Variants in TMEM117 observed in about 807,000 individuals in gnomAD.
The protein encoded by TMEM117 is transmembrane protein 117.
Under a neutral mutation model 52.4 loss-of-function variants are expected in TMEM117, and 27 were observed. The ratio of observed to expected loss-of-function variants is 0.51; its 90% CI spans 0.38 to 0.71. TMEM117 has a LOEUF of 0.71. TMEM117 is among the 30% of genes least tolerant of loss of function. The probability of loss-of-function intolerance (pLI) is 0.00; values close to 1 mark genes in which losing one functional copy is unlikely to be tolerated. For synonymous variants in TMEM117, 215 were observed against 206.3 expected, an observed-to-expected ratio of 1.04 and a Z score of -0.36; for missense variants, 556 against 630.5, an observed-to-expected ratio of 0.88 and a Z score of 1.26.
At chr12:44,114,693 A>T (rs554728261) in intron 3 of TMEM117, among the ~76,000 whole-genome samples, 16 of 152,320 alleles carry the variant, frequency 1.1e-4, no homozygotes, top group Middle Eastern at 6.8e-3. Context: ...CTTCTGAGAG[A>T]AAAGAATCTC....
intron 3 of TMEM117, among the ~76,000 whole-genome samples, chr12:44,126,588 A>G (rs1948328783): frequency 6.6e-6 from 1 of 152,206 alleles, no homozygotes; most frequent in African/African-American, 2.4e-5. Flanking sequence ...ATTTCATATG[A>G]TATTAACATT....
At chr12:44,295,919 C>A (rs1644007) in intron 5 of TMEM117, among the ~76,000 whole-genome samples, 32,703 of 151,942 alleles carry the variant, frequency 0.22, 6,277 homozygotes, top group African/African-American at 0.52. Context: ...GTAGCTTTGC[C>A]TTTGTGTCTG....
In TMEM117 at chr12:44,191,357, A is replaced by ATCTG. The variant is rs200809736; in HGVS notation, c.511-19905_511-19902dup. 6.9e-3 allele frequency among the ~76,000 whole-genome samples: 1,019 copies of ATCTG among 148,538 alleles called. 22 individuals carry two copies. The East Asian group carries it at 0.072, about 10-fold the overall frequency. On this transcript the variant is annotated intron_variant, in intron 4 of 7. Transcript: ENST00000266534. Reference sequence around the variant, plus strand: ...ACAGCCAAACCATGTCTATCTATCTATCTGTCTGTCTGTCTGTCTGTCTGT... The same window carrying ATCTG: ...ACAGCCAAACCATGTCTATCTATCTATCTGTCTGTCTGTCTGTCTGTCTGTCTGT...
At chr12:44,263,284 A>T (rs1224938031) in intron 5 of TMEM117, among the ~76,000 whole-genome samples, 2 of 152,342 alleles carry the variant, frequency 1.3e-5, no homozygotes, top group East Asian at 3.9e-4. Flanking sequence ...GAGAAATGCA[A>T]ATCAAAACCA....
intron 5 of TMEM117, among the ~76,000 whole-genome samples, chr12:44,251,731 G>T (rs1950198963): frequency 6.6e-6 from 1 of 152,120 alleles, no homozygotes; most frequent in South Asian, 2.1e-4. Flanking sequence ...TCTATACCCT[G>T]GGTGGTCAAA....
At chr12:44,115,806 A>G (rs1160810863) in intron 3 of TMEM117, among the ~76,000 whole-genome samples, 1 of 152,210 alleles carries the variant, frequency 6.6e-6, no homozygotes, top group Non-Finnish European at 1.5e-5. Context: ...GCACTCAAGA[A>G]ACTTAGAGTT....
At chr12:44,175,267 A>G (rs1949102418) in intron 4 of TMEM117, among the ~76,000 whole-genome samples, 1 of 152,068 alleles carries the variant, frequency 6.6e-6, no homozygotes, top group Admixed American at 6.6e-5. Flanking sequence ...GACATATTTG[A>G]CAGATATTTT....
intron 3 of TMEM117, among the ~76,000 whole-genome samples, chr12:44,051,507 T>C (rs773378342): frequency 9.9e-5 from 15 of 152,212 alleles, no homozygotes; most frequent in Admixed American, 2.0e-4. Flanking sequence ...CTGACAAGAC[T>C]AATGTTGTAA....
At chr12:44,091,723 G>A (rs569346074) in intron 3 of TMEM117, among the ~76,000 whole-genome samples, 1 of 152,228 alleles carries the variant, frequency 6.6e-6, no homozygotes, top group South Asian at 2.1e-4. Context: ...AAAATTCAAG[G>A]CTTTGGAAAG....
chr12:43,813,231 G>GTTGTTTTTTTT, the TMEM117 span, among the ~76,000 whole-genome samples: 2 of 62,618 alleles, frequency 3.2e-5, no homozygotes, highest in African/African-American at 1.2e-4. Context: ...GTTTTCTCTT[G>GTTGTTTTTTTT]TTTTTTTTTT....
intron 4 of TMEM117, among the ~76,000 whole-genome samples, chr12:44,170,937 A>G (rs115042037): frequency 0.023 from 3,548 of 151,634 alleles, 78 homozygotes; most frequent in African/African-American, 0.058. Flanking sequence ...AATTTTGCCA[A>G]TTTTTCCAGC....
At chr12:43,806,134 C>A in the TMEM117 span, 17 of 1,529,306 alleles carry the variant, frequency 1.1e-5, no homozygotes, top group Non-Finnish European at 1.5e-5. Context: ...CCCGGCCCGA[C>A]TCCAGCCCTG....
At chr12:43,918,387 T>C (rs1359293060) in intron 2 of TMEM117, among the ~76,000 whole-genome samples, 1 of 152,204 alleles carries the variant, frequency 6.6e-6, no homozygotes, top group Non-Finnish European at 1.5e-5. Context: ...TTTTGACTTG[T>C]CTTTTTTAAC....
chr12:43,892,613 C>T (rs1157548248), intron 2 of TMEM117, among the ~76,000 whole-genome samples: 1 of 152,188 alleles, frequency 6.6e-6, no homozygotes, highest in Non-Finnish European at 1.5e-5. Flanking sequence ...ATTTTCTGTA[C>T]ACTCTTCCTA....
At chr12:43,820,282 A>G in the TMEM117 span, among the ~76,000 whole-genome samples, 5 of 149,394 alleles carry the variant, frequency 3.3e-5, no homozygotes, top group Non-Finnish European at 7.4e-5. Flanking sequence ...ATTTTTGTTT[A>G]TTATTATTTG....
chr12:44,235,375 T>C (rs1949983527), intron 5 of TMEM117, among the ~76,000 whole-genome samples: 1 of 151,110 alleles, frequency 6.6e-6, no homozygotes, highest in Non-Finnish European at 1.5e-5. Flanking sequence ...TGAAAATCTT[T>C]TTTTTTTTTG....
At chr12:44,107,227 T>C (rs1052336300) in intron 3 of TMEM117, among the ~76,000 whole-genome samples, 2 of 152,124 alleles carry the variant, frequency 1.3e-5, no homozygotes, top group Admixed American at 1.3e-4. Context: ...TTTCTCTTAT[T>C]TCCCAGGGTT....
intron 2 of TMEM117, among the ~76,000 whole-genome samples, chr12:43,845,460 CAAAA>C (rs10677136): frequency 2.6e-5 from 1 of 37,996 alleles, no homozygotes; most frequent in Non-Finnish European, 5.2e-5. Flanking sequence ...GACTCCATCT[CAAAA>C]AAAAAAAAAA....
At chr12:43,808,762 A>G in the TMEM117 span, among the ~76,000 whole-genome samples, 2 of 146,052 alleles carry the variant, frequency 1.4e-5, no homozygotes, top group Non-Finnish European at 3.0e-5. Context: ...ATGAGCCATG[A>G]TCACCCCACT....
Sources: gnomAD v4.1 joint callset for allele counts (sites outside exome capture counted in the v4.1 genomes callset) on GRCh38, gnomAD v4.1.1 for gene constraint, MANE v1.5 for transcripts, NCBI Gene and HGNC (gene_info 2026-07-23, HGNC 2026-07-21) for gene names.